DLGAP4: variants seen among roughly 807,000 people sequenced by gnomAD.
DLGAP4 encodes DLG associated protein 4.
A neutral mutation model predicts 86.9 loss-of-function variants in DLGAP4; 18 were observed. The ratio of observed to expected loss-of-function variants is 0.21; its 90% CI spans 0.14 to 0.31. DLGAP4 has a LOEUF of 0.31. Among genes scored for constraint, DLGAP4 ranks in the 10% least tolerant of loss-of-function variants. The pLI is 1.00. For missense variants in DLGAP4, 1,085 were observed against 1,362.6 expected (o/e 0.80, Z 3.21); for synonymous variants, 548 against 574.3 (o/e 0.95, Z 0.65).
In DLGAP4 at chr20:36,500,193, C is replaced by T; in HGVS notation, c.2100-6C>T. Reference sequence around the variant, plus strand: ...TGTCCCCACCCCATCCACCCCCTACCCACAGAAGCAGCGTCCCCTCTCACA... The same window carrying T: ...TGTCCCCACCCCATCCACCCCCTACTCACAGAAGCAGCGTCCCCTCTCACA... On this transcript the variant is annotated splice_polypyrimidine_tract_variant and splice_region_variant and intron_variant, in intron 9 of 12. Transcript: ENST00000339266. The surrounding 1 kb of genome is among the most constrained non-coding windows in gnomAD (Gnocchi z 4.6). 1 of 1,523,156 alleles carries T rather than the reference C, an allele frequency of 6.6e-7. No homozygotes were observed. 94.4% of individuals were successfully genotyped at this position (1,523,156 alleles called of 1,614,324 possible).
chr20:36,339,057 G>A (rs187333905), intron 1 of DLGAP4, among the ~76,000 whole-genome samples: 14 of 152,308 alleles, frequency 9.2e-5, no homozygotes, highest in African/African-American at 1.7e-4. Context: ...AGGGAGCCAC[G>A]GAGGGTTTTA....
intron 10 of DLGAP4, among the ~76,000 whole-genome samples, chr20:36,505,613 C>T (rs933485809): frequency 1.3e-4 from 19 of 151,912 alleles, no homozygotes; most frequent in African/African-American, 4.4e-4. Context: ...CCATCTCTAT[C>T]GAAAATATAA....
chr20:36,408,697 T>C (rs975594904), intron 2 of DLGAP4, among the ~76,000 whole-genome samples: 4 of 152,206 alleles, frequency 2.6e-5, no homozygotes, highest in Non-Finnish European at 5.9e-5. Context: ...TCATGCCTGC[T>C]GGGAAAACTT....
chr20:36,440,735 G>A (rs756828053), intron 5 of DLGAP4, among the ~76,000 whole-genome samples: 2 of 152,038 alleles, frequency 1.3e-5, no homozygotes, highest in Non-Finnish European at 2.9e-5. Flanking sequence ...GAACCAGGCA[G>A]GACTAAAAGG....
At chr20:36,377,979 G>T (rs1417012176) in intron 2 of DLGAP4, among the ~76,000 whole-genome samples, 1 of 152,202 alleles carries the variant, frequency 6.6e-6, no homozygotes, top group African/African-American at 2.4e-5. Context: ...CCTCGGGCCT[G>T]GTCCTTCCAG....
intron 7 of DLGAP4, among the ~76,000 whole-genome samples, chr20:36,465,784 C>T (rs969622579): frequency 3.3e-5 from 5 of 152,168 alleles, no homozygotes; most frequent in Non-Finnish European, 7.4e-5. Flanking sequence ...AGGCTGTCAT[C>T]GTGGTTCTGT....
chr20:36,356,646 A>C (rs1555893862), intron 1 of DLGAP4, among the ~76,000 whole-genome samples: 1 of 151,740 alleles, frequency 6.6e-6, no homozygotes, highest in Non-Finnish European at 1.5e-5. Flanking sequence ...GGGGTCAGCA[A>C]ACTATGGCCT....
Position 36,527,350 on chromosome 20 carries a change from T to C in DLGAP4, c.*319T>C, listed in dbSNP as rs1241780577. 3.1e-5 allele frequency: 7 copies of C among 226,122 alleles called. No homozygotes were observed. The Admixed American group carries it at 3.7e-4, about 12-fold the overall frequency. 14.0% of individuals were successfully genotyped at this position (226,122 alleles called of 1,614,324 possible). A position where few individuals can be genotyped will look rare whatever the true frequency, so the allele number is the denominator to read the frequency against. ...GCCCAGCCTCCATACTGCGGTCTTT[T>C]TACTCGTTCTATCTGATGAGAACTC... On this transcript the variant is annotated 3_prime_UTR_variant, in exon 13 of 13. Coordinates refer to ENST00000339266, the MANE Select transcript of DLGAP4 (RefSeq NM_001365621.2).
At chr20:36,384,336 G>A (rs73103484) in intron 2 of DLGAP4, among the ~76,000 whole-genome samples, 16 of 152,296 alleles carry the variant, frequency 1.1e-4, no homozygotes, top group Non-Finnish European at 2.1e-4. Flanking sequence ...GGACCCAACT[G>A]GGAGGTCAGA....
At chr20:36,447,530 C>T (rs2033624739) in intron 7 of DLGAP4, among the ~76,000 whole-genome samples, 1 of 152,214 alleles carries the variant, frequency 6.6e-6, no homozygotes. Context: ...AAGCAATTCT[C>T]ATTCTTCAGC....
At chr20:36,521,359 GTT>G (rs1002956109) in intron 10 of DLGAP4, among the ~76,000 whole-genome samples, 10 of 152,026 alleles carry the variant, frequency 6.6e-5, no homozygotes, top group African/African-American at 2.4e-4. Context: ...CTTTTTAGTA[GTT>G]TTTCTTTTTT....
chr20:36,401,157 G>A (rs901306883), intron 2 of DLGAP4, among the ~76,000 whole-genome samples: 13 of 151,688 alleles, frequency 8.6e-5, no homozygotes, highest in South Asian at 4.1e-4. Context: ...AATCCTGGGC[G>A]GCAGAGGCTG....
At chr20:36,450,317 G>C (rs1395878981) in intron 7 of DLGAP4, among the ~76,000 whole-genome samples, 1 of 152,178 alleles carries the variant, frequency 6.6e-6, no homozygotes, top group Non-Finnish European at 1.5e-5. Context: ...GGCCAACATG[G>C]CGAAACCCTG....
chr20:36,345,357 C>T (rs1412393303), intron 1 of DLGAP4, among the ~76,000 whole-genome samples: 10 of 152,276 alleles, frequency 6.6e-5, no homozygotes, highest in African/African-American at 2.4e-4. Flanking sequence ...GGTGGACAAA[C>T]CAAGGTCAGG....
At chr20:36,316,301 CT>C (rs36133695) in intron 1 of DLGAP4, among the ~76,000 whole-genome samples, 151,505 of 151,510 alleles carry the variant, frequency 1, 75,750 homozygotes, top group Middle Eastern at 1. Flanking sequence ...CTCTGTGCAC[CT>C]TCCACAGCCC....
chr20:36,523,079 G>C (rs1271480690), intron 10 of DLGAP4, among the ~76,000 whole-genome samples: 1 of 152,062 alleles, frequency 6.6e-6, no homozygotes, highest in African/African-American at 2.4e-5. Flanking sequence ...GCTCAGCTGT[G>C]CCAGTACTTT....
At chr20:36,357,737 C>G (rs1050870466) in intron 1 of DLGAP4, among the ~76,000 whole-genome samples, 4 of 152,190 alleles carry the variant, frequency 2.6e-5, no homozygotes, top group African/African-American at 4.8e-5. Context: ...GAGTGGGCCA[C>G]TGTGGCAGGC....
intron 2 of DLGAP4, among the ~76,000 whole-genome samples, chr20:36,411,089 C>T (rs1188532259): frequency 2.0e-5 from 3 of 152,232 alleles, no homozygotes; most frequent in African/African-American, 7.2e-5. Flanking sequence ...CTCCTGGGTT[C>T]AAGCAATTCT....
At chr20:36,466,626 A>G (rs955450780) in intron 7 of DLGAP4, among the ~76,000 whole-genome samples, 2 of 152,240 alleles carry the variant, frequency 1.3e-5, no homozygotes, top group Non-Finnish European at 2.9e-5. Context: ...CAGCTGTGTT[A>G]ACAGACAGAC....
Sources: gnomAD v4.1 joint callset for allele counts (sites outside exome capture counted in the v4.1 genomes callset) on GRCh38, gnomAD v4.1.1 for gene constraint, Gnocchi (gnomAD v3.1) non-coding constraint, MANE v1.5 for transcripts, NCBI Gene and HGNC (gene_info 2026-07-23, HGNC 2026-07-21) for gene names.